The following SNTB1 variants were observed in gnomAD, a reference collection of about 807,000 sequenced individuals.
SNTB1 encodes the protein syntrophin beta 1, also known as beta-1-syntrophin.
A neutral mutation model predicts 48.9 loss-of-function variants in SNTB1; 36 were observed. The observed-to-expected ratio is 0.74, with a 90% CI of 0.56 to 0.97. The LOEUF (loss-of-function observed/expected upper bound fraction) is 0.97. Ranked by LOEUF, SNTB1 falls within the 50% of genes least tolerant of loss-of-function variation. The pLI is 0.00. For missense variants in SNTB1, 786 were observed against 703.4 expected (o/e 1.12, Z -1.33); for synonymous variants, 299 against 294.6 (o/e 1.01, Z -0.15).
In SNTB1 at chr8:120,809,460, A is replaced by G. The variant is rs528530424; in HGVS notation, c.571+1813T>C. Reference sequence around the variant, plus strand: ...CTGCTTGATTTTTTTTCTTTCTCTAAGTTTATTTTCAATTGCAGAGAAATT... The same window carrying G: ...CTGCTTGATTTTTTTTCTTTCTCTAGGTTTATTTTCAATTGCAGAGAAATT... On this transcript the variant is annotated intron_variant, in intron 1 of 6. Transcript: ENST00000517992. Among the ~76,000 whole-genome samples, 3 of 152,028 alleles carry G rather than the reference A, an allele frequency of 2.0e-5. No homozygotes were observed. The South Asian group carries it at 6.2e-4, about 32-fold the overall frequency.
intron 2 of SNTB1, among the ~76,000 whole-genome samples, chr8:120,693,391 G>A (rs1444641131): frequency 6.6e-6 from 1 of 152,168 alleles, no homozygotes; most frequent in Non-Finnish European, 1.5e-5. Flanking sequence ...AGGTTAAGCG[G>A]TTTAAGAAAT....
chr8:120,643,426 C>G (rs528812851), intron 2 of SNTB1, among the ~76,000 whole-genome samples: 241 of 152,292 alleles, frequency 1.6e-3, no homozygotes, highest in Non-Finnish European at 2.5e-3. Context: ...ACCACCCTCC[C>G]ACCCTTCCTC....
At chr8:120,655,812 T>C (rs1563843364) in intron 2 of SNTB1, among the ~76,000 whole-genome samples, 1 of 152,148 alleles carries the variant, frequency 6.6e-6, no homozygotes, top group East Asian at 1.9e-4. Flanking sequence ...TCACACTGAA[T>C]GGCAATTCTG....
chr8:120,811,971 G>A lies in SNTB1; in HGVS notation c.-128C>T, dbSNP rs1261620348. ...GTCCCGCGGGGAGGTGGCGGCACGC[G>A]GGACTCCGCTCCGGGAGTTCGCAGA... On this transcript the variant is annotated 5_prime_UTR_variant, in exon 1 of 7. Coordinates refer to ENST00000517992, the MANE Select transcript of SNTB1 (RefSeq NM_021021.4). 1.4e-5 allele frequency: 18 copies of A among 1,273,890 alleles called. No homozygotes were observed. Among genetic ancestry groups the A allele is most frequent in the Admixed American group, 4.3e-5 (1 of 23,382 alleles). The allele number at this position is 1,273,890 out of a possible 1,614,324, so 78.9% of individuals were successfully genotyped here. A position where few individuals can be genotyped will look rare whatever the true frequency, so the allele number is the denominator to read the frequency against.
intron 1 of SNTB1, among the ~76,000 whole-genome samples, chr8:120,716,376 T>C (rs1041605013): frequency 6.6e-6 from 1 of 152,232 alleles, no homozygotes; most frequent in Non-Finnish European, 1.5e-5. Context: ...ATTCACATAA[T>C]AAAATGTTAT....
chr8:120,634,541 C>T (rs921269178), intron 2 of SNTB1, among the ~76,000 whole-genome samples: 8 of 152,272 alleles, frequency 5.3e-5, no homozygotes, highest in African/African-American at 1.9e-4. Flanking sequence ...TACTATACCA[C>T]GATGCCTCTC....
chr8:120,602,494 AATTCTGCCTCTAC>A, intron 3 of SNTB1, among the ~76,000 whole-genome samples: 1 of 152,316 alleles, frequency 6.6e-6, no homozygotes, highest in African/African-American at 2.4e-5. Context: ...GAAAGAAAGG[AATTCTGCCTCTAC>A]ACTGTCTTTG....
At chr8:120,762,679 T>C (rs1337318624) in intron 1 of SNTB1, among the ~76,000 whole-genome samples, 1 of 152,178 alleles carries the variant, frequency 6.6e-6, no homozygotes, top group East Asian at 1.9e-4. Flanking sequence ...TAAATTTTAT[T>C]AATATCTTGC....
intron 2 of SNTB1, among the ~76,000 whole-genome samples, chr8:120,639,314 A>T (rs1190177143): frequency 6.6e-6 from 1 of 152,148 alleles, no homozygotes; most frequent in Non-Finnish European, 1.5e-5. Flanking sequence ...GTAGATTGCA[A>T]AAATTTTCTC....
Position 120,616,614 on chromosome 8 carries a change from G to A in SNTB1, c.996+15830C>T, listed in dbSNP as rs527965395. ...TTGCAGGCATAAGCCACCATGCCAGGCCTAGCTTGATTTTTGCAGTCCTGG... is the reference window on the plus strand; with the variant it reads ...TTGCAGGCATAAGCCACCATGCCAGACCTAGCTTGATTTTTGCAGTCCTGG... On this transcript the variant is annotated intron_variant, in intron 3 of 6. Transcript: ENST00000517992. 7.1e-4 allele frequency among the ~76,000 whole-genome samples: 108 copies of A among 151,988 alleles called. 1 individual carries two copies. The highest frequency in any genetic ancestry group is 1.2e-3 in the South Asian group (6 of 4,804).
At chr8:120,620,337 T>C (rs943134014) in intron 3 of SNTB1, among the ~76,000 whole-genome samples, 1 of 152,208 alleles carries the variant, frequency 6.6e-6, no homozygotes, top group East Asian at 1.9e-4. Context: ...GGTATTAATA[T>C]CTTTTTTTTA....
Position 120,542,005 on chromosome 8 carries a change from G to A in SNTB1, c.1334-5C>T, listed in dbSNP as rs1026937783. On this transcript the variant is annotated splice_region_variant and splice_polypyrimidine_tract_variant and intron_variant, in intron 5 of 6. Transcript: ENST00000517992. ...CCTGGTTTTTGTAGGTGCAAGCTGA[G>A]AGAGAAAGAGAGAGAAAAAGAGACA... 1.2e-6 allele frequency: 2 copies of A among 1,609,882 alleles called. No individual in the cohort carries two copies. Among genetic ancestry groups the A allele is most frequent in the African/African-American group, 1.3e-5 (1 of 74,768 alleles).
At chr8:120,686,328 ATT>A (rs904078684) in intron 2 of SNTB1, among the ~76,000 whole-genome samples, 2 of 152,166 alleles carry the variant, frequency 1.3e-5, no homozygotes, top group Non-Finnish European at 2.9e-5. Context: ...AACAATATAA[ATT>A]TTTTTCTCAC....
At chr8:120,781,594 GGAGCA>G (rs1441942247) in intron 1 of SNTB1, among the ~76,000 whole-genome samples, 1 of 152,168 alleles carries the variant, frequency 6.6e-6, no homozygotes, top group African/African-American at 2.4e-5. Context: ...CCAAGGCCAT[GGAGCA>G]TAGAGTCAAA....
intron 1 of SNTB1, among the ~76,000 whole-genome samples, chr8:120,717,038 A>C (rs972448234): frequency 2.6e-5 from 4 of 152,108 alleles, no homozygotes; most frequent in Non-Finnish European, 5.9e-5. Context: ...CTTGTCACTG[A>C]ATCTCTCCTT....
intron 2 of SNTB1, among the ~76,000 whole-genome samples, chr8:120,653,301 A>G (rs1330288799): frequency 6.6e-6 from 1 of 152,140 alleles, no homozygotes; most frequent in Non-Finnish European, 1.5e-5. Context: ...ATTATAAGAG[A>G]CAGAAAAGAC....
Position 120,750,541 on chromosome 8 carries a change from A to G in SNTB1, c.572-56633T>C, listed in dbSNP as rs1258485262. Among the ~76,000 whole-genome samples, 5 of 152,278 alleles carry G rather than the reference A, an allele frequency of 3.3e-5. No individual in the cohort carries two copies. The East Asian group carries it at 9.6e-4, about 29-fold the overall frequency. The stretch of plus-strand genomic sequence containing the variant: ...AAATCGCTGTCCTCAGATGCAGGTC[A>G]CTGTGCTCTGACTTGTAATAATGTT... On this transcript the variant is annotated intron_variant, in intron 1 of 6. Coordinates refer to ENST00000517992, the MANE Select transcript of SNTB1 (RefSeq NM_021021.4).
intron 3 of SNTB1, among the ~76,000 whole-genome samples, chr8:120,603,800 T>A (rs920650500): frequency 3.3e-5 from 5 of 152,192 alleles, no homozygotes; most frequent in African/African-American, 1.2e-4. Flanking sequence ...GACCTAATAT[T>A]CAGTTCATGA....
chr8:120,789,698 T>A (rs1456171202), intron 1 of SNTB1, among the ~76,000 whole-genome samples: 1 of 151,788 alleles, frequency 6.6e-6, no homozygotes, highest in Admixed American at 6.6e-5. Context: ...GAAATAGACA[T>A]CCTGAACAGA....
Sources: gnomAD v4.1 joint callset for allele counts (sites outside exome capture counted in the v4.1 genomes callset) on GRCh38, gnomAD v4.1.1 for gene constraint, MANE v1.5 for transcripts, NCBI Gene and HGNC (gene_info 2026-07-23, HGNC 2026-07-21) for gene names.